PAPPA2: variants seen among roughly 807,000 people sequenced by gnomAD.
PAPPA2 encodes pappalysin 2.
Under a neutral mutation model 176.4 loss-of-function variants are expected in PAPPA2, and 86 were observed. The observed-to-expected ratio is 0.49, with a 90% CI of 0.41 to 0.58. The LOEUF is 0.58. Among genes scored for constraint, PAPPA2 ranks in the 20% least tolerant of loss-of-function variants. PAPPA2 has a pLI of 0.00. For synonymous variants in PAPPA2, 809 were observed against 852.2 expected (o/e 0.95, Z 0.88); for missense variants, 2,073 against 2,256.9 (o/e 0.92, Z 1.65).
At chr1:176,580,049 A>G (rs908652738) in intron 2 of PAPPA2, among the ~76,000 whole-genome samples, 3 of 152,162 alleles carry the variant, frequency 2.0e-5, no homozygotes, top group South Asian at 2.1e-4. Context: ...TAAAAAATAT[A>G]TCATATATTA....
chr1:176,590,415 T>C (rs896949238), intron 2 of PAPPA2, among the ~76,000 whole-genome samples: 9 of 151,188 alleles, frequency 6.0e-5, no homozygotes, highest in Non-Finnish European at 8.9e-5. Context: ...GGACTTGGAT[T>C]TTTTTTTTAT....
intron 22 of PAPPA2, 97 bp from the exon 23 acceptor site, chr1:176,842,283 A>T: frequency 9.1e-7 from 1 of 1,096,240 alleles, no homozygotes; most frequent in South Asian, 1.4e-5. Flanking sequence ...ATAATTCTAC[A>T]GTTCCTCTGG....
In PAPPA2 at chr1:176,771,502, G is replaced by A. The variant is rs146824848; in HGVS notation, c.4715+322G>A. ...AGTCCAGTTTACAATTGCAGGCCTGGCCTGGTCCCCAGTGCAGACACTTAT... is the reference window on the plus strand; with the variant it reads ...AGTCCAGTTTACAATTGCAGGCCTGACCTGGTCCCCAGTGCAGACACTTAT... On this transcript the variant is annotated intron_variant, in intron 17 of 22. Transcript: ENST00000367662. Among the ~76,000 whole-genome samples, 293 of 152,292 alleles carry A rather than the reference G, an allele frequency of 1.9e-3. 1 individual carries two copies. Among genetic ancestry groups the A allele is most frequent in the African/African-American group, 6.1e-3 (252 of 41,560 alleles).
chr1:176,604,807 A>G (rs1186577186), intron 3 of PAPPA2, among the ~76,000 whole-genome samples: 1 of 152,252 alleles, frequency 6.6e-6, no homozygotes, highest in Non-Finnish European at 1.5e-5. Flanking sequence ...ACATATAAAT[A>G]TATATCTGTA....
At chr1:176,536,423 G>C (rs750146703) in intron 1 of PAPPA2, among the ~76,000 whole-genome samples, 1 of 152,158 alleles carries the variant, frequency 6.6e-6, no homozygotes, top group African/African-American at 2.4e-5. Flanking sequence ...TGACACACAT[G>C]GTATAGATTT....
At chr1:176,623,807 C>CTTTCTTTCTTTCTTTCTTTCT (rs746043564) in intron 3 of PAPPA2, among the ~76,000 whole-genome samples, 2 of 49,442 alleles carry the variant, frequency 4.0e-5, no homozygotes, top group South Asian at 7.2e-4. Context: ...TTCTTTCTTT[C>CTTTCTTTCTTTCTTTCTTTCT]TTCTTTCTTT....
intron 2 of PAPPA2, 75 bp downstream of exon 2, chr1:176,557,316 G>C (rs1651378546): frequency 6.9e-7 from 1 of 1,458,346 alleles, no homozygotes. Flanking sequence ...TAGACATAGG[G>C]AGCGAGGATG....
Position 176,595,151 on chromosome 1 carries a change from A to T in PAPPA2, c.1547A>T (p.Tyr516Phe). The change falls in exon 3 of 23, where the codon TAC (tyrosine) becomes TTC (phenylalanine). Residue 516 changes from tyrosine (Y) to phenylalanine (F), a missense_variant. This residue lies in a region of PAPPA2 where 1,196 missense variants were observed against 1,330.4 expected (regional missense o/e 0.90). Coordinates refer to ENST00000367662, the MANE Select transcript of PAPPA2 (RefSeq NM_020318.3). ...GAATTGATCTCCCAGTACAATGGAT[A>T]CTGGCCCCTTCGGGGAGAGAAGGTG... ...NVELISQYNGYWPLRGEKVIR... is the reference protein window; with the variant it reads ...NVELISQYNGFWPLRGEKVIR... The T allele has an allele frequency of 1.2e-6, 2 of 1,614,218 alleles. No individual in the cohort carries two copies. The highest frequency in any genetic ancestry group is 1.7e-6 in the Non-Finnish European group (2 of 1,180,042).
intron 17 of PAPPA2, among the ~76,000 whole-genome samples, chr1:176,779,476 T>TCTCACACACACA (rs1315037600): frequency 7.9e-6 from 1 of 126,968 alleles, no homozygotes; most frequent in East Asian, 2.5e-4. Flanking sequence ...TCCATACTCA[T>TCTCACACACACA]CACACACACA....
intron 1 of PAPPA2, among the ~76,000 whole-genome samples, chr1:176,508,260 G>A (rs1648404705): frequency 6.6e-6 from 1 of 152,042 alleles, no homozygotes; most frequent in African/African-American, 2.4e-5. Flanking sequence ...GTGAAAACAG[G>A]AAAATATGAT....
intron 3 of PAPPA2, among the ~76,000 whole-genome samples, chr1:176,662,367 G>A (rs904351154): frequency 5.3e-5 from 8 of 152,076 alleles, no homozygotes; most frequent in Admixed American, 1.3e-4. Flanking sequence ...TAAATAAATG[G>A]TGCCAGGTAA....
At chr1:176,818,315 A>T (rs1432378853) in intron 21 of PAPPA2, among the ~76,000 whole-genome samples, 1 of 152,214 alleles carries the variant, frequency 6.6e-6, no homozygotes, top group Non-Finnish European at 1.5e-5. Context: ...CCTCTCAGTC[A>T]AGAGTCAAGT....
intron 14 of PAPPA2, among the ~76,000 whole-genome samples, chr1:176,761,657 C>A (rs977778510): frequency 6.6e-6 from 1 of 152,224 alleles, no homozygotes; most frequent in Non-Finnish European, 1.5e-5. Flanking sequence ...AAGAAAGCAA[C>A]AGGAAAGCAA....
chr1:176,771,780 A>G (rs1664237809), intron 17 of PAPPA2, among the ~76,000 whole-genome samples: 1 of 152,338 alleles, frequency 6.6e-6, no homozygotes, highest in African/African-American at 2.4e-5. Flanking sequence ...ACCCATGGCA[A>G]GAAACACTTT....
At chr1:176,688,081 A>G (rs1316856272) in intron 4 of PAPPA2, among the ~76,000 whole-genome samples, 3 of 152,188 alleles carry the variant, frequency 2.0e-5, no homozygotes, top group African/African-American at 7.2e-5. Flanking sequence ...AGATACTTAA[A>G]CTTTATAGGT....
chr1:176,804,980 C>T (rs370638596), intron 21 of PAPPA2, among the ~76,000 whole-genome samples: 16 of 152,238 alleles, frequency 1.1e-4, no homozygotes, highest in Admixed American at 2.6e-4. Context: ...TTCCTCATCT[C>T]CTGGGGTAAT....
chr1:176,775,612 A>G (rs1664424935), intron 17 of PAPPA2, among the ~76,000 whole-genome samples: 1 of 152,134 alleles, frequency 6.6e-6, no homozygotes, highest in African/African-American at 2.4e-5. Flanking sequence ...TTGGCTGCTC[A>G]TGAGAATCAC....
chr1:176,573,935 G>T (rs1414165784), intron 2 of PAPPA2, among the ~76,000 whole-genome samples: 1 of 151,544 alleles, frequency 6.6e-6, no homozygotes, highest in Non-Finnish European at 1.5e-5. Flanking sequence ...ATGTGTGTGT[G>T]TGTTGGGTGG....
intron 21 of PAPPA2, among the ~76,000 whole-genome samples, chr1:176,835,373 A>G (rs192798652): frequency 6.6e-6 from 1 of 152,352 alleles, no homozygotes; most frequent in Non-Finnish European, 1.5e-5. Flanking sequence ...GTTCAAAAAA[A>G]TCTCTTCAAC....
Sources: gnomAD v4.1 joint callset for allele counts (sites outside exome capture counted in the v4.1 genomes callset) on GRCh38, gnomAD v4.1.1 for gene constraint, gnomAD v4.1.1 regional missense constraint, MANE v1.5 for transcripts, NCBI Gene and HGNC (gene_info 2026-07-23, HGNC 2026-07-21) for gene names.